Variants in KANK4 observed in about 807,000 individuals in gnomAD.
The protein encoded by KANK4 is KN motif and ankyrin repeat domain-containing protein 4.
KANK4 carries 50 observed loss-of-function variants against 80.8 expected under a neutral mutation model. That is an observed-to-expected ratio of 0.62 (90% CI 0.49 to 0.78). The LOEUF is 0.78. KANK4 is among the 30% of genes least tolerant of loss of function. The pLI, the probability that KANK4 is intolerant of heterozygous loss-of-function variation, is 0.00. For missense variants in KANK4, 1,196 were observed against 1,240.1 expected (o/e 0.96, Z 0.53); for synonymous variants, 465 against 506.9 (o/e 0.92, Z 1.11).
intron 6 of KANK4, among the ~76,000 whole-genome samples, chr1:62,263,945 C>G (rs1355092532): frequency 6.6e-6 from 1 of 152,136 alleles, no homozygotes; most frequent in East Asian, 1.9e-4. Context: ...GGACCATGAA[C>G]GAGAAGAGTT....
At chr1:62,275,181 G>A (rs1023061621) in intron 2 of KANK4, 94 bp from the exon 3 acceptor site, 35 of 928,318 alleles carry the variant, frequency 3.8e-5, no homozygotes, top group Middle Eastern at 3.3e-4. Flanking sequence ...TTAACTTAAC[G>A]CTGTCACTTG....
At chr1:62,278,406 T>TC in intron 2 of KANK4, among the ~76,000 whole-genome samples, 1 of 122,386 alleles carries the variant, frequency 8.2e-6, no homozygotes, top group African/African-American at 3.6e-5. Flanking sequence ...TCTTTTTTTT[T>TC]TTTGAGATGG....
intron 1 of KANK4, among the ~76,000 whole-genome samples, chr1:62,291,813 G>C (rs562846622): frequency 4.1e-4 from 63 of 152,140 alleles, no homozygotes; most frequent in Non-Finnish European, 5.9e-4. Context: ...CACTGTGTTG[G>C]TCAGGCTGGT....
At chr1:62,305,334 A>G (rs1391054898) in intron 1 of KANK4, among the ~76,000 whole-genome samples, 1 of 151,968 alleles carries the variant, frequency 6.6e-6, no homozygotes, top group Non-Finnish European at 1.5e-5. Context: ...TTTGAGACAG[A>G]GTCTCGCTTT....
chr1:62,309,151 G>C (rs766155940), intron 1 of KANK4, among the ~76,000 whole-genome samples: 11 of 152,224 alleles, frequency 7.2e-5, no homozygotes, highest in Non-Finnish European at 1.6e-4. Context: ...GCATGGCTGG[G>C]TTCTGGTGGG....
chr1:62,238,027 C>T lies in KANK4; in HGVS notation c.*250G>A, dbSNP rs1570948589. On this transcript the variant is annotated 3_prime_UTR_variant, in exon 10 of 10. Coordinates refer to ENST00000371153, the MANE Select transcript of KANK4 (RefSeq NM_181712.5). The stretch of plus-strand genomic sequence containing the variant: ...GATGTTTTGGATGTTTGGATGACAC[C>T]GACGTACCCCTCACCTTGCACCTTG... 3 of 403,730 alleles carry T rather than the reference C, an allele frequency of 7.4e-6. No homozygotes were observed. Among genetic ancestry groups the T allele is most frequent in the East Asian group, 3.7e-5 (1 of 26,726 alleles). 25.0% of individuals were successfully genotyped at this position (403,730 alleles called of 1,614,324 possible).
chr1:62,249,796 G>A (rs1207346701), intron 8 of KANK4, among the ~76,000 whole-genome samples: 1 of 151,902 alleles, frequency 6.6e-6, no homozygotes, highest in Non-Finnish European at 1.5e-5. Context: ...GCCTACCTCG[G>A]CCTCCCAAAG....
chr1:62,266,510 C>T (rs1421728643), intron 6 of KANK4, among the ~76,000 whole-genome samples: 1 of 151,658 alleles, frequency 6.6e-6, no homozygotes. Flanking sequence ...ACACCACTCA[C>T]ACCACTGCAC....
In KANK4 at chr1:62,274,659, C is replaced by T. The variant is rs749518503; in HGVS notation, c.445G>A (p.Glu149Lys). The T allele has an allele frequency of 4.1e-5, 66 of 1,614,062 alleles. No individual in the cohort carries two copies. The highest frequency in any genetic ancestry group is 8.3e-5 in the Admixed American group (5 of 60,006). The change falls in exon 3 of 10, where the codon GAG becomes AAG. Residue 149 changes from glutamate to lysine, a missense_variant. Glu to Lys is a moderately conservative substitution (Grantham distance 56). Around this residue, in one of 3 missense-constraint regions of KANK4, gnomAD observed 1,154 missense variants for 1,179.6 expected, o/e 0.98. Coordinates refer to ENST00000371153, the MANE Select transcript of KANK4 (RefSeq NM_181712.5). ...QLEAAEPEDAELTFGSGRPQL... is the reference protein window; with the variant it reads ...QLEAAEPEDAKLTFGSGRPQL... ...GGCCGTCCACTCCCAAAAGTGAGCT[C>T]GGCATCCTCTGGCTCAGCAGCTTCC... is the stretch of plus-strand genomic sequence containing the variant.
At chr1:62,257,622 A>AT (rs929107926) in intron 7 of KANK4, among the ~76,000 whole-genome samples, 6 of 150,894 alleles carry the variant, frequency 4.0e-5, no homozygotes, top group Non-Finnish European at 7.4e-5. Context: ...ACAGTTTGTA[A>AT]TTTTTTTTTC....
Position 62,274,220 on chromosome 1 carries a change from T to C in KANK4, c.884A>G (p.Glu295Gly), listed in dbSNP as rs770042735. The change falls in exon 3 of 10, where the codon GAG becomes GGG. Residue 295 changes from glutamate to glycine, a missense_variant. Physicochemically the swap from Glu to Gly is moderately conservative, Grantham distance 98. This residue lies in a region of KANK4 where 1,154 missense variants were observed against 1,179.6 expected (regional missense o/e 0.98). Transcript: ENST00000371153. Reference sequence around the variant, plus strand: ...GATTTCTTCCAGGAGGAGCTCATTCTCAGGGATGGGTGATGGCAGAGGTGG... The same window carrying C: ...GATTTCTTCCAGGAGGAGCTCATTCCCAGGGATGGGTGATGGCAGAGGTGG... Reference protein sequence around the residue: ...SPPPLPSPIPENELLLEEIEL... With the variant: ...SPPPLPSPIPGNELLLEEIEL... 1.2e-6 allele frequency: 2 copies of C among 1,614,034 alleles called. No homozygotes were observed. The highest frequency in any genetic ancestry group is 2.7e-5 in the African/African-American group (2 of 74,924).
At chr1:62,293,102 G>A (rs993545774) in intron 1 of KANK4, among the ~76,000 whole-genome samples, 3 of 132,620 alleles carry the variant, frequency 2.3e-5, no homozygotes, top group Non-Finnish European at 4.9e-5. Context: ...GTGTGTGTGT[G>A]TGTGAGACAG....
chr1:62,250,924 T>C (rs1671602003), intron 8 of KANK4, among the ~76,000 whole-genome samples: 1 of 152,184 alleles, frequency 6.6e-6, no homozygotes, highest in South Asian at 2.1e-4. Context: ...GCAATCTCTC[T>C]GGGGGAGTGT....
chr1:62,310,473 T>TG, intron 1 of KANK4, among the ~76,000 whole-genome samples: 1 of 150,850 alleles, frequency 6.6e-6, no homozygotes, highest in East Asian at 2.0e-4. Flanking sequence ...AAAAGGGGTT[T>TG]GGGGGGCTGG....
rs192962138 is a variant in KANK4, at chr1:62,275,017, G to T, written c.87C>A (p.Thr29=). 40 of 1,613,958 alleles carry T rather than the reference G, an allele frequency of 2.5e-5. No individual in the cohort carries two copies. In the African/African-American group the frequency reaches 4.9e-4, roughly 20 times the overall value. ...CCAGGTCTAAATGAAAGCCATATGG[G>T]GTCTCCACAGAATAAGGGTGGCTCT... ...PPKSHPYSVE[T]PYGFHLDLDF... The change falls in exon 3 of 10, where the codon ACC becomes ACA. Residue 29 remains threonine, a synonymous_variant. Transcript: ENST00000371153.
chr1:62,266,135 A>T (rs1004967058), intron 6 of KANK4, among the ~76,000 whole-genome samples: 5 of 152,212 alleles, frequency 3.3e-5, no homozygotes, highest in Admixed American at 3.3e-4. Context: ...ACAGACACTC[A>T]TGGTGCATTG....
chr1:62,264,939 C>T (rs1270262777), intron 6 of KANK4, among the ~76,000 whole-genome samples: 1 of 152,206 alleles, frequency 6.6e-6, no homozygotes, highest in Non-Finnish European at 1.5e-5. Flanking sequence ...TCAAGCAATT[C>T]TCCTGCCTCA....
intron 7 of KANK4, among the ~76,000 whole-genome samples, chr1:62,256,635 G>C (rs1030679069): frequency 1.3e-5 from 2 of 151,976 alleles, no homozygotes; most frequent in African/African-American, 4.8e-5. Context: ...CGCGCACCTC[G>C]GCCTCCCAAA....
chr1:62,275,014 T>C lies in KANK4; in HGVS notation c.90A>G (p.Pro30=), dbSNP rs1385471320. Residue 30 remains proline (P), a synonymous_variant, in exon 3 of 10, where the codon CCA becomes CCG. Transcript: ENST00000371153. ...PKSHPYSVET[P]YGFHLDLDFL... ...AGTCCAGGTCTAAATGAAAGCCATATGGGGTCTCCACAGAATAAGGGTGGC... is the reference window on the plus strand; with the variant it reads ...AGTCCAGGTCTAAATGAAAGCCATACGGGGTCTCCACAGAATAAGGGTGGC... 2 of 1,614,080 alleles carry C rather than the reference T, an allele frequency of 1.2e-6. No homozygotes were observed. Among genetic ancestry groups the C allele is most frequent in the Admixed American group, 1.7e-5 (1 of 60,000 alleles).
Sources: gnomAD v4.1 joint callset for allele counts (sites outside exome capture counted in the v4.1 genomes callset) on GRCh38, gnomAD v4.1.1 for gene constraint, gnomAD v4.1.1 regional missense constraint, MANE v1.5 for transcripts, NCBI Gene and HGNC (gene_info 2026-07-23, HGNC 2026-07-21) for gene names.